Variants in CFAP46 observed in about 807,000 individuals in gnomAD.
CFAP46 encodes cilia and flagella associated protein 46.
Under a neutral mutation model 325.7 loss-of-function variants are expected in CFAP46, and 245 were observed. The ratio of observed to expected loss-of-function variants is 0.75; its 90% CI spans 0.68 to 0.84. CFAP46 has a LOEUF of 0.84. Ranked by LOEUF, CFAP46 falls within the 40% of genes least tolerant of loss-of-function variation. The pLI is 0.00. For synonymous variants in CFAP46, 1,523 were observed against 1,495.9 expected, an observed-to-expected ratio of 1.02 and a Z score of -0.42; for missense variants, 3,346 against 3,543.0, an observed-to-expected ratio of 0.94 and a Z score of 1.41.
intron 32 of CFAP46, among the ~76,000 whole-genome samples, chr10:132,872,006 A>C (rs1848901428): frequency 1.3e-5 from 2 of 152,196 alleles, no homozygotes; most frequent in African/African-American, 4.8e-5. Context: ...TAGTACATAC[A>C]TTTTAAATGG....
intron 13 of CFAP46, among the ~76,000 whole-genome samples, chr10:132,921,024 G>T (rs956024269): frequency 1.3e-5 from 2 of 152,262 alleles, no homozygotes; most frequent in Non-Finnish European, 2.9e-5. Context: ...GGCGGTGGAT[G>T]ACAGGGCGGC....
chr10:132,834,133 A>G lies in CFAP46; in HGVS notation c.6867-10T>C. ...CGCAGGTGTCTGCACTCTGAAAGTCAGGTTATATATTCGGGTTTAAGAAAC... is the reference window on the plus strand; with the variant it reads ...CGCAGGTGTCTGCACTCTGAAAGTCGGGTTATATATTCGGGTTTAAGAAAC... On this transcript the variant is annotated splice_polypyrimidine_tract_variant and intron_variant, in intron 48 of 57. Transcript: ENST00000368586. 1 of 1,613,658 alleles carries G rather than the reference A, an allele frequency of 6.2e-7. No individual in the cohort carries two copies.
chr10:132,938,472 T>A (rs1351832271), intron 5 of CFAP46, 117 bp downstream of exon 5: 3 of 991,528 alleles, frequency 3.0e-6, no homozygotes, highest in Non-Finnish European at 1.5e-6. Flanking sequence ...AGAACGCACA[T>A]GGAGTGTGCC....
Position 132,851,593 on chromosome 10 carries a change from C to T in CFAP46, c.5575-288G>A, listed in dbSNP as rs187368851. Among the ~76,000 whole-genome samples the T allele has an allele frequency of 2.2e-4, 33 of 152,352 alleles. No homozygotes were observed. In the East Asian group the frequency reaches 5.0e-3, roughly 23 times the overall value. ...TGCATTCCTTGGCATTTTCCAGAAC[C>T]GTACCTAAGTGGAGGCGCACAGAGT... On this transcript the variant is annotated intron_variant, in intron 39 of 57. Coordinates refer to ENST00000368586, the MANE Select transcript of CFAP46 (RefSeq NM_001200049.3).
chr10:132,879,873 G>A (rs919462014), intron 28 of CFAP46, among the ~76,000 whole-genome samples: 1 of 152,242 alleles, frequency 6.6e-6, no homozygotes, highest in Non-Finnish European at 1.5e-5. Flanking sequence ...CCAGCCCCAG[G>A]CCCCCAGACC....
chr10:132,911,394 C>G (rs1190196264), intron 19 of CFAP46, among the ~76,000 whole-genome samples: 1 of 152,174 alleles, frequency 6.6e-6, no homozygotes, highest in African/African-American at 2.4e-5. Context: ...ATCCATGGCC[C>G]AGAAAGGGTC....
At chr10:132,879,936 T>C (rs943048385) in intron 28 of CFAP46, among the ~76,000 whole-genome samples, 1 of 151,694 alleles carries the variant, frequency 6.6e-6, no homozygotes, top group Admixed American at 6.6e-5. Flanking sequence ...GAGCTGCACC[T>C]GGCCTGGGCA....
Position 132,850,393 on chromosome 10 carries a change from G to T in CFAP46, c.5803C>A (p.Leu1935Met). 6.3e-7 allele frequency: 1 copy of T among 1,578,888 alleles called. No individual in the cohort carries two copies. Among genetic ancestry groups the T allele is most frequent in the Non-Finnish European group, 8.6e-7 (1 of 1,161,946 alleles). Residue 1935 changes from leucine to methionine, a missense_variant, in exon 41 of 58, where the codon CTG (leucine) becomes ATG (methionine). Coordinates refer to ENST00000368586, the MANE Select transcript of CFAP46 (RefSeq NM_001200049.3). ...GGCTGCAGGCTCCCCAGCTGTGCCA[G>T]TGCCCCGTGTGCTAGAGTCCGCTTC... is the stretch of plus-strand genomic sequence containing the variant. Reference protein sequence around the residue: ...TLKRTLAHGALAQLGSLQPLS... With the variant: ...TLKRTLAHGAMAQLGSLQPLS...
intron 29 of CFAP46, 95 bp from the exon 30 acceptor site, chr10:132,878,182 G>A (rs1163412397): frequency 1.7e-5 from 20 of 1,176,066 alleles, no homozygotes; most frequent in East Asian, 5.1e-5. Flanking sequence ...GCTCAGACCC[G>A]CGGGGCTCCC....
intron 50 of CFAP46, among the ~76,000 whole-genome samples, chr10:132,821,877 T>C (rs1396189936): frequency 2.0e-5 from 3 of 147,410 alleles, no homozygotes; most frequent in African/African-American, 5.1e-5. Flanking sequence ...TGCTGTGTGC[T>C]GTGTGTGCAG....
At chr10:132,829,644 G>A (rs979127586) in intron 50 of CFAP46, among the ~76,000 whole-genome samples, 6 of 152,230 alleles carry the variant, frequency 3.9e-5, no homozygotes, top group South Asian at 4.1e-4. Flanking sequence ...AACCTGCGAC[G>A]CTCAGGGGCA....
At chr10:132,857,496 G>A (rs1304897281) in intron 39 of CFAP46, 94 bp downstream of exon 39, 1 of 1,255,754 alleles carries the variant, frequency 8.0e-7, no homozygotes, top group Non-Finnish European at 1.1e-6. Context: ...TCAGCTAGAA[G>A]CAGAAGTCAG....
chr10:132,942,079 G>A lies in CFAP46; in HGVS notation c.75C>T (p.Tyr25=), dbSNP rs1177699616. The A allele has an allele frequency of 1.3e-6, 2 of 1,551,716 alleles. No homozygotes were observed. Among genetic ancestry groups the A allele is most frequent in the Non-Finnish European group, 1.7e-6 (2 of 1,146,974 alleles). Reference sequence around the variant, plus strand: ...CTAGGTTGGCCGATTTGATCAACTCGTAGGCCTTCTTCAAGGACGCAGCAT... The same window carrying A: ...CTAGGTTGGCCGATTTGATCAACTCATAGGCCTTCTTCAAGGACGCAGCAT... ...QQDAASLKKA[Y]ELIKSANLGK... The change falls in exon 2 of 58, where the codon TAC becomes TAT. Residue 25 remains tyrosine, a synonymous_variant. Transcript: ENST00000368586.
In CFAP46 at chr10:132,847,135, C is replaced by T. The variant is rs778267795; in HGVS notation, c.6088-24G>A. ...CTCTGTGGGGCACAAGGCTCAGGCT[C>T]AGGCCAGGCTCCGGGCAGAGGCCAC... On this transcript the variant is annotated intron_variant, in intron 42 of 57. Transcript: ENST00000368586. The surrounding 1 kb of genome is among the most constrained non-coding windows in gnomAD (Gnocchi z 5.2). The T allele has an allele frequency of 1.9e-6, 3 of 1,608,072 alleles. No individual in the cohort carries two copies. Among genetic ancestry groups the T allele is most frequent in the Non-Finnish European group, 2.5e-6 (3 of 1,177,704 alleles).
intron 47 of CFAP46, 89 bp from the exon 48 acceptor site, chr10:132,834,864 C>T: frequency 6.8e-7 from 1 of 1,475,556 alleles, no homozygotes; most frequent in Non-Finnish European, 9.0e-7. Context: ...AAAGGCCGAG[C>T]TCCTGCCCCT....
At chr10:132,883,780 G>C (rs1849082206) in intron 27 of CFAP46, among the ~76,000 whole-genome samples, 2 of 152,232 alleles carry the variant, frequency 1.3e-5, no homozygotes, top group Admixed American at 1.3e-4. Context: ...GGAATGATGG[G>C]GATGGCCCTG....
At chr10:132,843,756 G>A (rs1848385732) in intron 44 of CFAP46, among the ~76,000 whole-genome samples, 1 of 134,694 alleles carries the variant, frequency 7.4e-6, no homozygotes, top group Non-Finnish European at 1.6e-5. Context: ...GTGCTGTGGG[G>A]CTCTGGTCTC....
At chr10:132,848,012 G>A (rs749732395) in intron 41 of CFAP46, among the ~76,000 whole-genome samples, 2 of 152,124 alleles carry the variant, frequency 1.3e-5, no homozygotes, top group Non-Finnish European at 2.9e-5. Flanking sequence ...TGCCTGACAT[G>A]CACGGAGCCT....
At chr10:132,922,762 C>A in intron 11 of CFAP46, 54 bp from the exon 12 acceptor site, 1 of 1,407,008 alleles carries the variant, frequency 7.1e-7, no homozygotes, top group African/African-American at 1.4e-5. Flanking sequence ...CTCTGTCAGG[C>A]TGGGGTCACA....
Sources: allele counts gnomAD v4.1 joint callset (sites outside exome capture counted in the v4.1 genomes callset), GRCh38; gene constraint gnomAD v4.1.1; non-coding constraint Gnocchi (gnomAD v3.1); transcripts MANE v1.5; gene names NCBI Gene and HGNC (gene_info 2026-07-23, HGNC 2026-07-21).